The following PCK1 variants were observed in gnomAD, a reference collection of about 807,000 sequenced individuals.
The protein encoded by PCK1 is phosphoenolpyruvate carboxykinase 1, also known as phosphoenolpyruvate carboxykinase, cytosolic [GTP].
A neutral mutation model predicts 50.3 loss-of-function variants in PCK1; 44 were observed. That is an observed-to-expected ratio of 0.87 (90% confidence interval 0.69 to 1.12). The LOEUF is 1.12. PCK1 is among the 50% of genes most tolerant of loss of function. The probability of loss-of-function intolerance (pLI) is 0.00; values close to 1 mark genes in which losing one functional copy is unlikely to be tolerated. For synonymous variants in PCK1, 332 were observed against 314.3 expected (o/e 1.06, Z -0.59); for missense variants, 790 against 815.0 (o/e 0.97, Z 0.37).
chr20:57,561,763 A>C (rs2070145794), intron 2 of PCK1, 128 bp downstream of exon 2: 1 of 680,208 alleles, frequency 1.5e-6, no homozygotes, highest in African/African-American at 1.8e-5. Context: ...AGATGAATGC[A>C]ATGGTCAGAA....
chr20:57,566,151 GTA>G lies in PCK1; in HGVS notation c.*357_*358del, dbSNP rs201179319. 822 of 226,434 alleles carry G rather than the reference GTA, an allele frequency of 3.6e-3. 6 individuals carry two copies. The highest frequency in any genetic ancestry group is 0.015 in the African/African-American group (529 of 34,234). The allele number at this position is 226,434 out of a possible 1,614,324, so 14.0% of individuals were successfully genotyped here. On this transcript the variant is annotated 3_prime_UTR_variant, in exon 10 of 10. Coordinates refer to ENST00000319441, the MANE Select transcript of PCK1 (RefSeq NM_002591.4). The stretch of plus-strand genomic sequence containing the variant: ...TGCACACCAAAAAAATACTTGAGCT[GTA>G]TATATATATGTGTGTGTGTGTGTGT...
rs2070169182 is a variant in PCK1, at chr20:57,563,218, G to T, written c.798+3G>T. ...GGTGGCTGGCAGAGCACATGCTGGT[G>T]AGCCTGCAGGAAGCCCTGATGTGCA... is the stretch of plus-strand genomic sequence containing the variant. On this transcript the variant is annotated splice_donor_region_variant and intron_variant, in intron 5 of 9. Transcript: ENST00000319441. 1 of 1,612,946 alleles carries T rather than the reference G, an allele frequency of 6.2e-7. No individual in the cohort carries two copies. Among genetic ancestry groups the T allele is most frequent in the Non-Finnish European group, 8.5e-7 (1 of 1,179,800 alleles).
Position 57,565,474 on chromosome 20 carries a change from T to G in PCK1, c.1539T>G (p.His513Gln), listed in dbSNP as rs760379277. ...CAGCCAAACTGCCCAAGATCTTCCA[T>G]GTCAACTGGTTCCGGAAGGACAAGG... ...HPAAKLPKIF[H>Q]VNWFRKDKEG... The change falls in exon 10 of 10, where the codon CAT becomes CAG. Residue 513 changes from histidine (H) to glutamine (Q), a missense_variant. Transcript: ENST00000319441. 6 of 1,614,178 alleles carry G rather than the reference T, an allele frequency of 3.7e-6. No homozygotes were observed. The highest frequency in any genetic ancestry group is 4.2e-6 in the Non-Finnish European group (5 of 1,180,018).
rs1600708778 is a variant in PCK1, at chr20:57,565,647, A to G, written c.1712A>G (p.His571Arg). ...EDALNLKGLG[H>R]INMMELFSIS... Reference sequence around the variant, plus strand: ...GCCCTGAACCTGAAAGGCCTGGGGCACATCAACATGATGGAGCTTTTCAGC... The same window carrying G: ...GCCCTGAACCTGAAAGGCCTGGGGCGCATCAACATGATGGAGCTTTTCAGC... Residue 571 changes from histidine to arginine, a missense_variant, in exon 10 of 10, where the codon CAC becomes CGC. Transcript: ENST00000319441. 6.2e-7 allele frequency: 1 copy of G among 1,614,170 alleles called. No homozygotes were observed.
chr20:57,562,643 T>C lies in PCK1; in HGVS notation c.407-53T>C, dbSNP rs1361346170. ...CTACCTGGGAAAAAAATGCTGGTCG[T>C]GTTCGAAGTCCAAGGTCATTTCTCA... On this transcript the variant is annotated intron_variant, in intron 3 of 9. Coordinates refer to ENST00000319441, the MANE Select transcript of PCK1 (RefSeq NM_002591.4). 2.0e-6 allele frequency: 3 copies of C among 1,478,018 alleles called. No homozygotes were observed. In the African/African-American group the frequency reaches 4.1e-5, roughly 20 times the overall value. The allele number at this position is 1,478,018 out of a possible 1,614,324, so 91.6% of individuals were successfully genotyped here.
rs1430110939 is a variant in PCK1, at chr20:57,565,407, G to T, written c.1472G>T (p.Gly491Val). The T allele has an allele frequency of 1.2e-6, 2 of 1,614,054 alleles. No individual in the cohort carries two copies. Among genetic ancestry groups the T allele is most frequent in the Non-Finnish European group, 1.7e-6 (2 of 1,180,038 alleles). ...AMRPFFGYNF[G>V]KYLAHWLSMA... ...CGGCCCTTCTTTGGCTACAACTTCG[G>T]CAAATACCTGGCCCACTGGCTTAGC... Residue 491 changes from glycine to valine, a missense_variant, in exon 10 of 10, where the codon GGC (glycine) becomes GTC (valine). Gly to Val is a moderately radical substitution (Grantham distance 109). Coordinates refer to ENST00000319441, the MANE Select transcript of PCK1 (RefSeq NM_002591.4).
chr20:57,565,294 G>A (rs569642522), intron 9 of PCK1, 56 bp from the exon 10 acceptor site: 709 of 1,437,794 alleles, frequency 4.9e-4, no homozygotes, highest in Admixed American at 6.9e-4. Flanking sequence ...AATCAATGGC[G>A]TCAGTCTTGC....
intron 9 of PCK1, 41 bp from the exon 10 acceptor site, chr20:57,565,309 G>C (rs1213478691): frequency 6.5e-7 from 1 of 1,530,168 alleles, no homozygotes; most frequent in East Asian, 2.3e-5. Context: ...TCTTGCCTAG[G>C]AGAGCCTCAT....
In PCK1 at chr20:57,565,379, A is replaced by T; in HGVS notation, c.1444A>T (p.Met482Leu). 6.2e-7 allele frequency: 1 copy of T among 1,614,264 alleles called. No homozygotes were observed. The change falls in exon 10 of 10, where the codon ATG (methionine) becomes TTG (leucine). Residue 482 changes from methionine to leucine, a missense_variant. Physicochemically the swap from Met to Leu is conservative, Grantham distance 15 (BLOSUM62 2). Transcript: ENST00000319441. ...GKIIMHDPFA[M>L]RPFFGYNFGK... ...AATCATCATGCATGACCCCTTTGCC[A>T]TGCGGCCCTTCTTTGGCTACAACTT...
At chr20:57,561,720 T>A in intron 2 of PCK1, 85 bp downstream of exon 2, 1 of 902,812 alleles carries the variant, frequency 1.1e-6, no homozygotes, top group Non-Finnish European at 1.8e-6. Context: ...GAAAGGTGAA[T>A]GAAGGCCTTC....
intron 3 of PCK1, 130 bp from the exon 4 acceptor site, chr20:57,562,566 G>C (rs780449967): frequency 1.3e-6 from 1 of 741,542 alleles, no homozygotes; most frequent in Non-Finnish European, 2.3e-6. Context: ...AACCCAGGGG[G>C]CTGGTGACCA....
In PCK1 at chr20:57,564,497, A is replaced by C. The variant is rs1193991455; in HGVS notation, c.1202A>C (p.His401Pro). ...TGTCTTATAGGGGAACCTTGTGCCC[A>C]CCCCAACTCGAGGTTCTGCACCCCT... Reference protein sequence around the residue: ...WSSEDGEPCAHPNSRFCTPAS... With the variant: ...WSSEDGEPCAPPNSRFCTPAS... Residue 401 changes from histidine (H) to proline (P), a missense_variant, in exon 8 of 10, where the codon CAC becomes CCC. By Grantham distance (77) the His-to-Pro change is moderately conservative. Transcript: ENST00000319441. 1.2e-6 allele frequency: 2 copies of C among 1,614,088 alleles called. No individual in the cohort carries two copies. The highest frequency in any genetic ancestry group is 8.5e-7 in the Non-Finnish European group (1 of 1,180,010).
At position 57,566,349 on chromosome 20, in the gene PCK1, T is replaced by C. The variant is rs879912668; in HGVS notation, c.*545T>C. 2.0e-5 allele frequency: 3 copies of C among 152,354 alleles called. No homozygotes were observed. The highest frequency in any genetic ancestry group is 4.4e-5 in the Non-Finnish European group (3 of 68,158). The allele number at this position is 152,354 out of a possible 1,614,324, so 9.4% of individuals were successfully genotyped here. ...AAAAGTTGCTTTGTTATTAATATTG[T>C]GCTTAAATTATTTTTATACACCATT... On this transcript the variant is annotated 3_prime_UTR_variant, in exon 10 of 10. Transcript: ENST00000319441.
chr20:57,563,943 A>G (rs1423135939), intron 6 of PCK1: 9 of 613,230 alleles, frequency 1.5e-5, no homozygotes, highest in Non-Finnish European at 2.3e-5. Context: ...TTGTTTACAT[A>G]CATACATTTG....
Position 57,565,845 on chromosome 20 carries a change from C to T in PCK1, c.*41C>T, listed in dbSNP as rs750534747. ...TTTACCTTTAAAATCATTCCCTTTC[C>T]CATCCATAAGGTGCAGTAGGAGCAA... On this transcript the variant is annotated 3_prime_UTR_variant, in exon 10 of 10. Coordinates refer to ENST00000319441, the MANE Select transcript of PCK1 (RefSeq NM_002591.4). 2.7e-6 allele frequency: 4 copies of T among 1,474,892 alleles called. No homozygotes were observed. The East Asian group carries it at 9.2e-5, about 34-fold the overall frequency. 91.4% of individuals were successfully genotyped at this position (1,474,892 alleles called of 1,614,324 possible).
rs146241929 is a variant in PCK1, at chr20:57,564,494, C to A, written c.1199C>A (p.Ala400Asp). ...CTCTGTCTTATAGGGGAACCTTGTG[C>A]CCACCCCAACTCGAGGTTCTGCACC... ...EWSSEDGEPC[A>D]HPNSRFCTPA... The change falls in exon 8 of 10, where the codon GCC (alanine) becomes GAC (aspartate). Residue 400 changes from alanine to aspartate, a missense_variant. By Grantham distance (126) the Ala-to-Asp change is moderately radical (BLOSUM62 -2). Transcript: ENST00000319441. 3 of 1,614,058 alleles carry A rather than the reference C, an allele frequency of 1.9e-6. No homozygotes were observed. In the South Asian group the frequency reaches 3.3e-5, roughly 18 times the overall value.
In PCK1 at chr20:57,563,142, G is replaced by C; in HGVS notation, c.725G>C (p.Gly242Ala). ...GGGTACGGCGGGAACTCGCTGCTCG[G>C]GAAGAAGTGCTTTGCTCTCAGGATG... Reference protein sequence around the residue: ...GSGYGGNSLLGKKCFALRMAS... With the variant: ...GSGYGGNSLLAKKCFALRMAS... Residue 242 changes from glycine (G) to alanine (A), a missense_variant, in exon 5 of 10, where the codon GGG (glycine) becomes GCG (alanine). Physicochemically the swap from Gly to Ala is moderately conservative, Grantham distance 60. Coordinates refer to ENST00000319441, the MANE Select transcript of PCK1 (RefSeq NM_002591.4). The C allele has an allele frequency of 2.5e-6, 4 of 1,613,854 alleles. No individual in the cohort carries two copies. The highest frequency in any genetic ancestry group is 3.4e-6 in the Non-Finnish European group (4 of 1,180,032).
At chr20:57,563,914 C>T in intron 6 of PCK1, 187 bp downstream of exon 6, 1 of 623,268 alleles carries the variant, frequency 1.6e-6, no homozygotes, top group Non-Finnish European at 2.8e-6. Flanking sequence ...TGGATTGAAA[C>T]TGGGCCATAT....
rs1343303505 is a variant in PCK1, at chr20:57,564,377, G to A, written c.1170G>A (p.Glu390=). 6 of 1,613,964 alleles carry A rather than the reference G, an allele frequency of 3.7e-6. 1 individual carries two copies. The Admixed American group carries it at 8.3e-5, about 22-fold the overall frequency. ...CCATCACGTCCTGGAAGAATAAGGA[G>A]TGGAGCTCAGAGGATGGTGTGTCCC... is the stretch of plus-strand genomic sequence containing the variant. ...GVTITSWKNK[E]WSSEDGEPCA... The change falls in exon 7 of 10, where the codon GAG becomes GAA. Residue 390 remains glutamate, a synonymous_variant. Coordinates refer to ENST00000319441, the MANE Select transcript of PCK1 (RefSeq NM_002591.4).
Sources: allele counts gnomAD v4.1 joint callset, GRCh38; gene constraint gnomAD v4.1.1; transcripts MANE v1.5; gene names NCBI Gene and HGNC (gene_info 2026-07-23, HGNC 2026-07-21).